Variants in CSGALNACT1 observed in about 807,000 individuals in gnomAD.
CSGALNACT1 encodes the protein beta4GalNAcT-1.
A neutral mutation model predicts 51.0 loss-of-function variants in CSGALNACT1; 52 were observed. The observed-to-expected ratio is 1.02, with a 90% CI of 0.82 to 1.29. CSGALNACT1 has a LOEUF of 1.29. Among genes scored for constraint, CSGALNACT1 ranks in the 50% most tolerant of loss-of-function variants. The pLI, the probability that CSGALNACT1 is intolerant of heterozygous loss-of-function variation, is 0.00. For synonymous variants in CSGALNACT1, 341 were observed against 254.4 expected, an observed-to-expected ratio of 1.34 and a Z score of -3.24; for missense variants, 935 against 679.2, an observed-to-expected ratio of 1.38 and a Z score of -4.19.
intron 1 of CSGALNACT1, among the ~76,000 whole-genome samples, chr8:19,666,829 GAGAGAAAGAAAGAAAGAAAGAAAGAA>G (rs2059262807): frequency 2.9e-5 from 1 of 34,890 alleles, no homozygotes; most frequent in Non-Finnish European, 5.8e-5. Flanking sequence ...GAGAGAGAGA[GAGAGAAAGAAAGAAAGAAAGAAAGAA>G]AGAAAGAAAG....
At chr8:19,437,002 C>T (rs372303797) in intron 6 of CSGALNACT1, among the ~76,000 whole-genome samples, 2 of 151,946 alleles carry the variant, frequency 1.3e-5, no homozygotes, top group Admixed American at 6.6e-5. Context: ...ACATTTTCTC[C>T]GTATGGTGTT....
intron 3 of CSGALNACT1, among the ~76,000 whole-genome samples, chr8:19,579,269 A>T (rs773731350): frequency 3.3e-5 from 5 of 152,036 alleles, no homozygotes; most frequent in Non-Finnish European, 7.4e-5. Flanking sequence ...CACTCCCTCC[A>T]TGTCCTCTAC....
rs73589119 is a variant in CSGALNACT1 at position 19,543,842 on chromosome 8, A to C, written c.-296-37712T>G. Among the ~76,000 whole-genome samples the C allele has an allele frequency of 9.8e-3, 1,487 of 152,322 alleles. 24 individuals carry two copies. The highest frequency in any genetic ancestry group is 0.033 in the African/African-American group (1,355 of 41,572). On this transcript the variant is annotated intron_variant, in intron 3 of 9. Transcript: ENST00000454498. ...GTCCTCCTAGTAGGACTCAAAATGT[A>C]GATGGCCTTGGGGACCCCTGAAACA...
At chr8:19,501,187 T>C (rs1374398154) in intron 4 of CSGALNACT1, among the ~76,000 whole-genome samples, 2 of 138,258 alleles carry the variant, frequency 1.4e-5, no homozygotes, top group South Asian at 2.2e-4. Flanking sequence ...GAGACAGAGG[T>C]TGAAGTGAGC....
chr8:19,652,285 A>T (rs1726169653), intron 1 of CSGALNACT1, among the ~76,000 whole-genome samples: 1 of 152,114 alleles, frequency 6.6e-6, no homozygotes, highest in East Asian at 1.9e-4. Context: ...TCTCACTGGT[A>T]TGAGGTTGAT....
At chr8:19,694,397 G>A (rs1449283611) in intron 1 of CSGALNACT1, among the ~76,000 whole-genome samples, 1 of 152,146 alleles carries the variant, frequency 6.6e-6, no homozygotes, top group African/African-American at 2.4e-5. Context: ...ATACATTGTT[G>A]AATTATCCTT....
intron 1 of CSGALNACT1, among the ~76,000 whole-genome samples, chr8:19,748,668 C>G (rs2064838886): frequency 6.6e-6 from 1 of 152,102 alleles, no homozygotes; most frequent in African/African-American, 2.4e-5. Context: ...AAACAGGAAT[C>G]TAAAGAATTA....
intron 3 of CSGALNACT1, among the ~76,000 whole-genome samples, chr8:19,506,596 G>C (rs555996625): frequency 3.1e-4 from 47 of 152,282 alleles, no homozygotes; most frequent in African/African-American, 1.1e-3. Flanking sequence ...TTGGGAGGTG[G>C]GGCCTGGTGG....
chr8:19,675,853 G>A (rs1043751621), intron 1 of CSGALNACT1, among the ~76,000 whole-genome samples: 12 of 152,088 alleles, frequency 7.9e-5, no homozygotes, highest in African/African-American at 2.7e-4. Context: ...CAAGTCACAT[G>A]CGGGCAGGAC....
chr8:19,750,039 G>C (rs548971393), intron 1 of CSGALNACT1, among the ~76,000 whole-genome samples: 1 of 152,242 alleles, frequency 6.6e-6, no homozygotes, highest in Admixed American at 6.5e-5. Flanking sequence ...TCAAGAAATG[G>C]TCACTTATAT....
chr8:19,532,940 C>T (rs1199414027), intron 3 of CSGALNACT1, among the ~76,000 whole-genome samples: 1 of 152,192 alleles, frequency 6.6e-6, no homozygotes, highest in African/African-American at 2.4e-5. Context: ...ATCCGATCAA[C>T]ACTGTCATCT....
At chr8:19,505,941 C>T (rs771812160) in exon 4 of CSGALNACT1, 7 of 1,347,058 alleles carry the variant, frequency 5.2e-6, no homozygotes, top group South Asian at 2.4e-5. Flanking sequence ...TTGGGGCCCC[C>T]GGAGCTGCTT....
At chr8:19,714,749 G>A (rs923500563) in intron 1 of CSGALNACT1, among the ~76,000 whole-genome samples, 7 of 121,926 alleles carry the variant, frequency 5.7e-5, no homozygotes, top group Admixed American at 9.0e-5. Flanking sequence ...TTTGTCTCCT[G>A]GGATATTTTT....
intron 4 of CSGALNACT1, among the ~76,000 whole-genome samples, chr8:19,504,787 A>T (rs930585895): frequency 6.6e-6 from 1 of 152,204 alleles, no homozygotes; most frequent in African/African-American, 2.4e-5. Context: ...ATTTCATGGG[A>T]AAAGAATAAG....
chr8:19,724,858 A>G (rs551700781), intron 1 of CSGALNACT1, among the ~76,000 whole-genome samples: 17 of 152,246 alleles, frequency 1.1e-4, no homozygotes, highest in African/African-American at 4.1e-4. Flanking sequence ...GGAGTGGGAA[A>G]CACAGAGTGC....
At chr8:19,519,187 C>G (rs951322448) in intron 3 of CSGALNACT1, among the ~76,000 whole-genome samples, 1 of 152,182 alleles carries the variant, frequency 6.6e-6, no homozygotes, top group Non-Finnish European at 1.5e-5. Context: ...TCGGGCAGCC[C>G]TGGGGGTGGG....
intron 1 of CSGALNACT1, among the ~76,000 whole-genome samples, chr8:19,697,279 G>A (rs1241919765): frequency 1.3e-5 from 2 of 152,078 alleles, no homozygotes; most frequent in Non-Finnish European, 2.9e-5. Context: ...GCAGTTTCAT[G>A]GTCTTACTGA....
At chr8:19,475,898 C>G (rs1019215133) in intron 4 of CSGALNACT1, among the ~76,000 whole-genome samples, 2 of 152,142 alleles carry the variant, frequency 1.3e-5, no homozygotes, top group Non-Finnish European at 2.9e-5. Context: ...TTAACTTACT[C>G]TAAGACTTTG....
Position 19,576,675 on chromosome 8 carries a change from C to T in CSGALNACT1, c.-297+14485G>A, listed in dbSNP as rs148615141. On this transcript the variant is annotated intron_variant, in intron 3 of 9. Coordinates refer to ENST00000454498, the Ensembl canonical transcript of CSGALNACT1. Reference sequence around the variant, plus strand: ...CTCACCACATTATCCAGCAGACCCCCGACAGGCAGCCCCATGCTACCCTGC... The same window carrying T: ...CTCACCACATTATCCAGCAGACCCCTGACAGGCAGCCCCATGCTACCCTGC... 5.0e-3 allele frequency among the ~76,000 whole-genome samples: 762 copies of T among 152,060 alleles called. 7 individuals carry two copies. The highest frequency in any genetic ancestry group is 0.017 in the African/African-American group (706 of 41,448).
Sources: gnomAD v4.1 joint callset for allele counts (sites outside exome capture counted in the v4.1 genomes callset) on GRCh38, gnomAD v4.1.1 for gene constraint, MANE v1.5 for transcripts, NCBI Gene and HGNC (gene_info 2026-07-23, HGNC 2026-07-21) for gene names.